DOK7: variants seen among roughly 807,000 people sequenced by gnomAD.
DOK7 encodes protein Dok-7.
A neutral mutation model predicts 30.7 loss-of-function variants in DOK7; 32 were observed. The ratio of observed to expected loss-of-function variants is 1.04; its 90% CI spans 0.79 to 1.40. The LOEUF is 1.40. Among genes scored for constraint, DOK7 ranks in the 40% most tolerant of loss-of-function variants. DOK7 has a pLI of 0.00. For synonymous variants in DOK7, 447 were observed against 324.1 expected, an observed-to-expected ratio of 1.38 and a Z score of -4.07; for missense variants, 1,007 against 699.2, an observed-to-expected ratio of 1.44 and a Z score of -4.97.
At chr4:3,468,201 A>AGT (rs60835107) in intron 2 of DOK7, among the ~76,000 whole-genome samples, 7 of 143,224 alleles carry the variant, frequency 4.9e-5, no homozygotes, top group South Asian at 2.1e-4. Context: ...TGTGTGCACA[A>AGT]GTGTGTGTGT....
Position 3,493,868 on chromosome 4 carries a change from CCTTGGGCCTCACGCCCCCTTCGGG to C in DOK7, c.*368_*391del. ...GAGGCCCTGCCGCTGGCCTTGTCCT[CCTTGGGCCTCACGCCCCCTTCGGG>C]GGTGGCCGGTTCTCCCCATCACCTC... On this transcript the variant is annotated 3_prime_UTR_variant, in exon 7 of 7. Coordinates refer to ENST00000340083, the MANE Select transcript of DOK7 (RefSeq NM_173660.5). The C allele has an allele frequency of 3.5e-6, 4 of 1,135,860 alleles. No homozygotes were observed. Among genetic ancestry groups the C allele is most frequent in the Non-Finnish European group, 4.3e-6 (4 of 925,500 alleles). The allele number at this position is 1,135,860 out of a possible 1,614,324, so 70.4% of individuals were successfully genotyped here. A position where few individuals can be genotyped will look rare whatever the true frequency, so the allele number is the denominator to read the frequency against.
chr4:3,492,515 G>A (rs1728541612), intron 6 of DOK7, among the ~76,000 whole-genome samples: 1 of 152,144 alleles, frequency 6.6e-6, no homozygotes. Flanking sequence ...GAGAGGGAGG[G>A]GCGCAGGCCG....
At chr4:3,499,125 G>C (rs113917640), downstream of DOK7, among the ~76,000 whole-genome samples, 2 of 152,330 alleles carry the variant, frequency 1.3e-5, no homozygotes, top group African/African-American at 4.8e-5. Context: ...AGGAGAACCT[G>C]GTCTGCTGAG....
rs1240314757 is a variant in DOK7 at position 3,491,378 on chromosome 4, G to A, written c.773-1381G>A. ...GTTCCTTCCTTCCTCTGCTCCCCCT[G>A]CTCGTTCATTCCTTCCTGCTCACCC... On this transcript the variant is annotated intron_variant, in intron 6 of 6. Transcript: ENST00000340083. Among the ~76,000 whole-genome samples, 23 of 127,970 alleles carry A rather than the reference G, an allele frequency of 1.8e-4. No individual in the cohort carries two copies. The Admixed American group carries it at 1.9e-3, about 10-fold the overall frequency. 84.0% of individuals were successfully genotyped at this position (127,970 alleles called of 152,430 possible).
chr4:3,489,791 G>A lies in DOK7; in HGVS notation c.767G>A (p.Ser256Asn), dbSNP rs1193350543. 2 of 1,573,634 alleles carry A rather than the reference G, an allele frequency of 1.3e-6. No individual in the cohort carries two copies. Among genetic ancestry groups the A allele is most frequent in the East Asian group, 2.3e-5 (1 of 42,858 alleles). ...CTCTCACATGCGGGCAGGCCGGGCA[G>A]TGGAGGTAGGGCCGGGGGCTGACCT... is the stretch of plus-strand genomic sequence containing the variant. The part of the protein sequence containing the change: ...SLLSHAGRPG[S>N]GGDDRSLSSS... Residue 256 changes from serine to asparagine, a missense_variant, in exon 6 of 7, where the codon AGT becomes AAT. Physicochemically the swap from Ser to Asn is conservative, Grantham distance 46 (BLOSUM62 1). Coordinates refer to ENST00000340083, the MANE Select transcript of DOK7 (RefSeq NM_173660.5).
At chr4:3,492,050 G>T (rs1304235073) in intron 6 of DOK7, among the ~76,000 whole-genome samples, 1 of 152,222 alleles carries the variant, frequency 6.6e-6, no homozygotes, top group East Asian at 1.9e-4. Flanking sequence ...TCCTGGGGGT[G>T]ACTCACAGCT....
At chr4:3,468,556 G>A (rs1449096097) in intron 2 of DOK7, among the ~76,000 whole-genome samples, 1 of 151,640 alleles carries the variant, frequency 6.6e-6, no homozygotes, top group Non-Finnish European at 1.5e-5. Context: ...GTGTGCCTGT[G>A]TGAGCATGTA....
Position 3,485,601 on chromosome 4 carries a change from AT to A in DOK7, c.596del (p.Ile199ThrfsTer47), listed in dbSNP as rs797045528. 5 of 1,607,734 alleles carry A rather than the reference AT, an allele frequency of 3.1e-6. No individual in the cohort carries two copies. Among genetic ancestry groups the A allele is most frequent in the Non-Finnish European group, 4.2e-6 (5 of 1,176,882 alleles). On this transcript the variant is annotated frameshift_variant, in exon 5 of 7. Coordinates refer to ENST00000340083, the MANE Select transcript of DOK7 (RefSeq NM_173660.5). LOFTEE classifies it high-confidence loss of function. ...GEQISFLFDC[I>X]VRGISPTKGP... Reference sequence around the variant, plus strand: ...GCAGATCAGCTTCCTGTTCGACTGCATCGTCCGAGGCATCTCCCCCACCAAG... The same window carrying A: ...GCAGATCAGCTTCCTGTTCGACTGCACGTCCGAGGCATCTCCCCCACCAAG...
chr4:3,463,563 G>C lies in DOK7; in HGVS notation c.100+12G>C. 6.6e-7 allele frequency: 1 copy of C among 1,516,676 alleles called. No individual in the cohort carries two copies. Among genetic ancestry groups the C allele is most frequent in the Non-Finnish European group, 8.8e-7 (1 of 1,135,006 alleles). The allele number at this position is 1,516,676 out of a possible 1,614,324, so 94.0% of individuals were successfully genotyped here. On this transcript the variant is annotated intron_variant, in intron 2 of 6. Transcript: ENST00000340083. ...GTCGCCCGTGGCAGGTGAGCGGGGC[G>C]GGCGGGGGACGGGGGGCGCGGGGGT... is the stretch of plus-strand genomic sequence containing the variant.
At chr4:3,494,771 CATGGGGCTCCTCAGGT>C (rs1305286978), downstream of DOK7, among the ~76,000 whole-genome samples, 3 of 152,190 alleles carry the variant, frequency 2.0e-5, no homozygotes. Flanking sequence ...GTCCCTCAGG[CATGGGGCTCCTCAGGT>C]CCCGGTGAGG....
chr4:3,489,199 G>A (rs1031525876), intron 5 of DOK7, among the ~76,000 whole-genome samples: 1 of 152,172 alleles, frequency 6.6e-6, no homozygotes, highest in Non-Finnish European at 1.5e-5. Flanking sequence ...CTCCATCCGA[G>A]ACCCCAGGGA....
At chr4:3,472,805 A>G (rs1159609887) in intron 2 of DOK7, among the ~76,000 whole-genome samples, 1 of 152,224 alleles carries the variant, frequency 6.6e-6, no homozygotes. Context: ...GGAAGAGACT[A>G]GGGCCTGCTG....
downstream of DOK7, among the ~76,000 whole-genome samples, chr4:3,494,678 C>T (rs550866674): frequency 1.8e-4 from 27 of 149,744 alleles, no homozygotes; most frequent in Admixed American, 1.1e-3. Flanking sequence ...GGGCAGCCCC[C>T]GGGCTGGGAT....
chr4:3,469,335 G>C (rs1380372071), intron 2 of DOK7, among the ~76,000 whole-genome samples: 1 of 152,124 alleles, frequency 6.6e-6, no homozygotes, highest in African/African-American at 2.4e-5. Flanking sequence ...ACCCAGCCCA[G>C]TGCTGCCTGC....
chr4:3,495,039 C>T (rs765156193), downstream of DOK7, among the ~76,000 whole-genome samples: 3 of 152,180 alleles, frequency 2.0e-5, no homozygotes, highest in South Asian at 2.1e-4. Flanking sequence ...GGTGAGCAAG[C>T]GTGGGCTTTG....
At chr4:3,487,513 C>T (rs1268001720) in intron 5 of DOK7, among the ~76,000 whole-genome samples, 1 of 152,220 alleles carries the variant, frequency 6.6e-6, no homozygotes, top group Non-Finnish European at 1.5e-5. Context: ...CATGTGGACA[C>T]CGAGTCCCAG....
At chr4:3,485,732 C>G in intron 5 of DOK7, 74 bp downstream of exon 5, 2 of 1,405,810 alleles carry the variant, frequency 1.4e-6, no homozygotes, top group Non-Finnish European at 1.9e-6. Context: ...CGGGGGGCCA[C>G]AGTGATTTGT....
chr4:3,478,642 C>T (rs953184356), intron 4 of DOK7, among the ~76,000 whole-genome samples: 1 of 96,012 alleles, frequency 1.0e-5, no homozygotes, highest in African/African-American at 4.9e-5. Context: ...TGAATGTTCT[C>T]GTCCCCGGTG....
At chr4:3,490,200 C>A (rs1235511780) in intron 6 of DOK7, among the ~76,000 whole-genome samples, 3 of 67,814 alleles carry the variant, frequency 4.4e-5, no homozygotes, top group African/African-American at 1.8e-4. Flanking sequence ...TCATTCCTTC[C>A]CCCCTCATTC....
Sources: gnomAD v4.1 joint callset for allele counts (sites outside exome capture counted in the v4.1 genomes callset) on GRCh38, gnomAD v4.1.1 for gene constraint, MANE v1.5 for transcripts, NCBI Gene and HGNC (gene_info 2026-07-23, HGNC 2026-07-21) for gene names.